Variants in B3GALT1 observed in about 807,000 individuals in gnomAD.
B3GALT1 encodes the protein beta-1,3-galactosyltransferase 1, also known as UDP-Gal:betaGlcNAc beta 1,3-galactosyltransferase, polypeptide 1.
In B3GALT1, 10 loss-of-function variants were observed where a neutral mutation model predicts 23.2. The ratio of observed to expected loss-of-function variants is 0.43; its 90% confidence interval spans 0.27 to 0.73. The LOEUF is 0.73. Ranked by LOEUF, B3GALT1 falls within the 30% of genes least tolerant of loss-of-function variation. The pLI, the probability that B3GALT1 is intolerant of heterozygous loss-of-function variation, is 0.21. For synonymous variants in B3GALT1, 156 were observed against 141.5 expected (o/e 1.10, Z -0.73); for missense variants, 299 against 405.4 (o/e 0.74, Z 2.25).
At position 167,564,361 on chromosome 2, in the gene B3GALT1, C is replaced by T. The variant is rs531996614; in HGVS notation, c.-410+74084C>T. On this transcript the variant is annotated intron_variant, in intron 2 of 4. Transcript: ENST00000392690. The stretch of plus-strand genomic sequence containing the variant: ...AGATGGGACGGCGGCCGGGCAGAGA[C>T]GCTCCCCACTCTCCAGACTGGGCAG... 1.6e-3 allele frequency among the ~76,000 whole-genome samples: 248 copies of T among 150,470 alleles called. 1 individual carries two copies. The highest frequency in any genetic ancestry group is 5.7e-3 in the African/African-American group (231 of 40,806).
At chr2:167,644,004 C>T (rs1341011583) in intron 2 of B3GALT1, among the ~76,000 whole-genome samples, 1 of 152,028 alleles carries the variant, frequency 6.6e-6, no homozygotes, top group Non-Finnish European at 1.5e-5. Context: ...ATTAGCAGTG[C>T]AGACAAGAGA....
At chr2:167,350,460 T>A (rs1191455690) in intron 1 of B3GALT1, among the ~76,000 whole-genome samples, 1 of 152,236 alleles carries the variant, frequency 6.6e-6, no homozygotes, top group Non-Finnish European at 1.5e-5. Flanking sequence ...ATACACAGGC[T>A]GACGACACCT....
At chr2:167,440,700 CTG>C (rs1698868807) in intron 1 of B3GALT1, among the ~76,000 whole-genome samples, 1 of 151,674 alleles carries the variant, frequency 6.6e-6, no homozygotes, top group African/African-American at 2.4e-5. Context: ...TTTTTCCTCT[CTG>C]TTGGTTCTGT....
At chr2:167,526,070 C>T (rs867581013) in intron 2 of B3GALT1, among the ~76,000 whole-genome samples, 15 of 152,062 alleles carry the variant, frequency 9.9e-5, no homozygotes, top group African/African-American at 3.1e-4. Context: ...TCTCCAAGGA[C>T]CCCTGGTTCC....
At chr2:167,297,177 GACA>G (rs1187437610) in intron 1 of B3GALT1, among the ~76,000 whole-genome samples, 3 of 152,042 alleles carry the variant, frequency 2.0e-5, no homozygotes, top group South Asian at 4.2e-4. Context: ...GGAACTAGAG[GACA>G]ACATTATCTT....
intron 3 of B3GALT1, among the ~76,000 whole-genome samples, chr2:167,703,599 C>G (rs1176815438): frequency 6.6e-6 from 1 of 152,094 alleles, no homozygotes. Flanking sequence ...TAAGATGACA[C>G]AAAATGATGC....
In B3GALT1 at chr2:167,573,005, A is replaced by G. The variant is rs78904333; in HGVS notation, c.-409-73904A>G. ...TTGAAGCTTCTAAAGTTCCCTCTCA[A>G]ATTATCCCAAGTCCTTAATGATGCT... is the stretch of plus-strand genomic sequence containing the variant. On this transcript the variant is annotated intron_variant, in intron 2 of 4. Transcript: ENST00000392690. 2.6e-5 allele frequency among the ~76,000 whole-genome samples: 4 copies of G among 151,898 alleles called. No homozygotes were observed. In the East Asian group the frequency reaches 7.7e-4, roughly 29 times the overall value.
intron 3 of B3GALT1, among the ~76,000 whole-genome samples, chr2:167,734,169 T>G (rs777011609): frequency 2.2e-4 from 34 of 152,112 alleles, no homozygotes; most frequent in Non-Finnish European, 4.1e-4. Flanking sequence ...TTGGTTGCTA[T>G]AAAAATTCAG....
chr2:167,735,834 C>T (rs568475672), intron 3 of B3GALT1, among the ~76,000 whole-genome samples: 3 of 152,098 alleles, frequency 2.0e-5, no homozygotes, highest in African/African-American at 7.2e-5. Flanking sequence ...GATTGAGTAA[C>T]TTGCCAATGG....
intron 1 of B3GALT1, among the ~76,000 whole-genome samples, chr2:167,400,186 G>GTGTGTGTGTGTC (rs1487329750): frequency 1.4e-4 from 21 of 151,600 alleles, no homozygotes; most frequent in Admixed American, 7.9e-4. Flanking sequence ...GTGTGTGTGT[G>GTGTGTGTGTGTC]TGTGTGTCTG....
At chr2:167,494,897 G>C (rs1699758753) in intron 2 of B3GALT1, among the ~76,000 whole-genome samples, 1 of 139,056 alleles carries the variant, frequency 7.2e-6, no homozygotes, top group Non-Finnish European at 1.5e-5. Context: ...AACTGACTTG[G>C]GGCCCTGGTA....
chr2:167,387,489 C>CA (rs1559081955), intron 1 of B3GALT1, among the ~76,000 whole-genome samples: 1 of 151,844 alleles, frequency 6.6e-6, no homozygotes, highest in Non-Finnish European at 1.5e-5. Flanking sequence ...TTATTTGTGC[C>CA]AAAAAAGACT....
chr2:167,515,503 A>G (rs1280793348), intron 2 of B3GALT1, among the ~76,000 whole-genome samples: 1 of 152,164 alleles, frequency 6.6e-6, no homozygotes, highest in South Asian at 2.1e-4. Context: ...CCATAAAATT[A>G]TAGGGAAGCA....
intron 3 of B3GALT1, among the ~76,000 whole-genome samples, chr2:167,693,694 C>T (rs557646676): frequency 3.3e-5 from 5 of 152,070 alleles, no homozygotes; most frequent in Non-Finnish European, 7.4e-5. Context: ...CTAAATTTGA[C>T]GTGCTATCTG....
chr2:167,812,944 C>A (rs865874096), intron 3 of B3GALT1, among the ~76,000 whole-genome samples: 1 of 151,666 alleles, frequency 6.6e-6, no homozygotes, highest in Middle Eastern at 3.4e-3. Flanking sequence ...TAATCACACA[C>A]CAAGACATAC....
At chr2:167,445,706 A>C (rs1439949572) in intron 1 of B3GALT1, among the ~76,000 whole-genome samples, 1 of 151,280 alleles carries the variant, frequency 6.6e-6, no homozygotes. Context: ...TTTTGTTTTC[A>C]ATTAACTTGG....
chr2:167,510,339 T>A lies in B3GALT1; in HGVS notation c.-410+20062T>A, dbSNP rs1480004145. On this transcript the variant is annotated intron_variant, in intron 2 of 4. Transcript: ENST00000392690. ...TATGAAGCATCTTCTTGTTATATTT[T>A]TTTAATTACATAATTTATGTGATTT... is the stretch of plus-strand genomic sequence containing the variant. Among the ~76,000 whole-genome samples the A allele has an allele frequency of 2.0e-5, 3 of 152,156 alleles. No individual in the cohort carries two copies. The East Asian group carries it at 5.8e-4, about 29-fold the overall frequency.
At chr2:167,667,139 A>T (rs1261187534) in intron 3 of B3GALT1, among the ~76,000 whole-genome samples, 3 of 152,114 alleles carry the variant, frequency 2.0e-5, no homozygotes, top group Admixed American at 1.3e-4. Flanking sequence ...CTTTTAGGGC[A>T]GGCCTGGTGG....
chr2:167,448,835 G>A (rs1022831244), intron 1 of B3GALT1, among the ~76,000 whole-genome samples: 4 of 152,056 alleles, frequency 2.6e-5, no homozygotes, highest in Non-Finnish European at 5.9e-5. Flanking sequence ...AATTATCCCA[G>A]GACCATTTGT....
Sources: allele counts gnomAD v4.1 joint callset (sites outside exome capture counted in the v4.1 genomes callset), GRCh38; gene constraint gnomAD v4.1.1; transcripts MANE v1.5; gene names NCBI Gene and HGNC (gene_info 2026-07-23, HGNC 2026-07-21).